The following GDA variants were observed in gnomAD, a reference collection of about 807,000 sequenced individuals.
GDA encodes the protein guanine deaminase.
In GDA, 18 loss-of-function variants were observed where a neutral mutation model predicts 59.6. That is an observed-to-expected ratio of 0.30 (90% confidence interval 0.21 to 0.45). The LOEUF is 0.45. Among genes scored for constraint, GDA ranks in the 20% least tolerant of loss-of-function variants. GDA has a pLI of 1.00. For missense variants in GDA, 427 were observed against 552.3 expected (o/e 0.77, Z 2.27); for synonymous variants, 201 against 201.1 (o/e 1.00, Z 0.00).
intron 2 of GDA, among the ~76,000 whole-genome samples, chr9:72,198,357 G>GTGAAACCCCC (rs1310672556): frequency 6.6e-6 from 1 of 151,778 alleles, no homozygotes; most frequent in East Asian, 1.9e-4. Context: ...GGCTAACACG[G>GTGAAACCCCC]TGAAACCCCA....
chr9:72,177,323 C>T (rs1236348217), intron 1 of GDA, among the ~76,000 whole-genome samples: 1 of 151,990 alleles, frequency 6.6e-6, no homozygotes, highest in Non-Finnish European at 1.5e-5. Flanking sequence ...GTCTCAAACT[C>T]CTGACCTTGT....
intron 8 of GDA, among the ~76,000 whole-genome samples, chr9:72,226,849 G>C (rs1837655975): frequency 6.6e-6 from 1 of 152,102 alleles, no homozygotes; most frequent in Non-Finnish European, 1.5e-5. Flanking sequence ...CGGGCCTGGT[G>C]GCTCATGTCT....
chr9:72,151,739 C>G (rs952684744), intron 1 of GDA, among the ~76,000 whole-genome samples: 2 of 151,820 alleles, frequency 1.3e-5, no homozygotes, highest in African/African-American at 4.8e-5. Flanking sequence ...TCCCGAGTAG[C>G]TGGGACTACA....
chr9:72,117,682 A>G (rs2132514216), intron 1 of GDA, among the ~76,000 whole-genome samples: 1 of 152,298 alleles, frequency 6.6e-6, no homozygotes, highest in South Asian at 2.1e-4. Flanking sequence ...CCCTCATCTC[A>G]CTGGTTAAAA....
At chr9:72,209,872 G>T (rs922269261) in intron 3 of GDA, among the ~76,000 whole-genome samples, 1 of 152,090 alleles carries the variant, frequency 6.6e-6, no homozygotes, top group Non-Finnish European at 1.5e-5. Context: ...AGTAGTACAC[G>T]TGGTATTCTG....
intron 7 of GDA, among the ~76,000 whole-genome samples, 195 bp from the exon 8 acceptor site, chr9:72,225,478 GTTTC>G (rs913394976): frequency 2.0e-5 from 3 of 151,904 alleles, no homozygotes; most frequent in South Asian, 2.1e-4. Context: ...ATAATATTCA[GTTTC>G]TTTGTCATAT....
intron 1 of GDA, among the ~76,000 whole-genome samples, chr9:72,127,147 C>T (rs1179771265): frequency 6.6e-6 from 1 of 151,800 alleles, no homozygotes; most frequent in African/African-American, 2.4e-5. Context: ...GTTCACACAG[C>T]ATGACACTTG....
At chr9:72,239,495 G>T (rs886664253) in intron 10 of GDA, among the ~76,000 whole-genome samples, 1 of 151,960 alleles carries the variant, frequency 6.6e-6, no homozygotes, top group African/African-American at 2.4e-5. Context: ...CATCCCAACT[G>T]CATTGCTTTC....
chr9:72,205,520 A>C (rs1465741824), intron 3 of GDA, among the ~76,000 whole-genome samples: 1 of 152,206 alleles, frequency 6.6e-6, no homozygotes, highest in African/African-American at 2.4e-5. Context: ...AGAACCAGGA[A>C]AGGTTCAGAG....
At chr9:72,215,394 T>C (rs192716915) in intron 5 of GDA, among the ~76,000 whole-genome samples, 233 of 152,290 alleles carry the variant, frequency 1.5e-3, no homozygotes, top group Admixed American at 4.0e-3. Flanking sequence ...TTTATTGTTT[T>C]CTCAAGGTGG....
chr9:72,195,583 C>A lies in GDA; in HGVS notation c.207C>A (p.Ser69Arg). ...CFKPCEIREL[S>R]HHEFFMPGLV... ...AGCCGTGTGAAATAAGAGAACTGAG[C>A]CACCAGTAAGTTGTTACTTCTTCCC... Residue 69 changes from serine (S) to arginine (R), a missense_variant, in exon 2 of 14, where the codon AGC becomes AGA. Transcript: ENST00000358399. 1.3e-6 allele frequency: 2 copies of A among 1,525,186 alleles called. No homozygotes were observed. Among genetic ancestry groups the A allele is most frequent in the Non-Finnish European group, 1.8e-6 (2 of 1,113,016 alleles). The allele number at this position is 1,525,186 out of a possible 1,614,324, so 94.5% of individuals were successfully genotyped here.
rs758536853 is a variant in GDA at position 72,245,194 on chromosome 9, A to G, written c.1182A>G (p.Glu394=). ...TTGGAAACTTTGAAGTGGGCAAGGA[A>G]TTTGATGCCATCCTGATCAACCCCA... ...GEIGNFEVGK[E]FDAILINPKA... The change falls in exon 12 of 14, where the codon GAA becomes GAG. Residue 394 remains glutamate, a synonymous_variant. Coordinates refer to ENST00000358399, the MANE Select transcript of GDA (RefSeq NM_004293.5). 6.2e-7 allele frequency: 1 copy of G among 1,613,066 alleles called. No individual in the cohort carries two copies. Among genetic ancestry groups the G allele is most frequent in the African/African-American group, 1.3e-5 (1 of 75,016 alleles).
At chr9:72,129,879 A>C (rs1423587000) in intron 1 of GDA, among the ~76,000 whole-genome samples, 1 of 152,230 alleles carries the variant, frequency 6.6e-6, no homozygotes, top group Non-Finnish European at 1.5e-5. Context: ...TTAAAGTCCC[A>C]GGTTAGGTCA....
At chr9:72,155,531 G>A (rs949637301) in intron 1 of GDA, among the ~76,000 whole-genome samples, 1 of 152,186 alleles carries the variant, frequency 6.6e-6, no homozygotes, top group African/African-American at 2.4e-5. Context: ...GGGGTAGGAA[G>A]GAATGAAACA....
intron 10 of GDA, among the ~76,000 whole-genome samples, chr9:72,240,726 G>C (rs910143819): frequency 1.3e-5 from 2 of 152,132 alleles, no homozygotes; most frequent in Non-Finnish European, 2.9e-5. Context: ...TGGAGGCAGA[G>C]ATTGGAGTGA....
chr9:72,210,880 A>G (rs1006740559), intron 4 of GDA, 106 bp downstream of exon 4: 5 of 713,318 alleles, frequency 7.0e-6, no homozygotes, highest in Non-Finnish European at 1.3e-5. Flanking sequence ...TTTAATTGCT[A>G]GAACATGAGC....
At chr9:72,123,185 CTTTTT>C (rs530381322) in intron 1 of GDA, among the ~76,000 whole-genome samples, 1 of 126,166 alleles carries the variant, frequency 7.9e-6, no homozygotes. Context: ...TTTTTCTTCC[CTTTTT>C]TTTTTTTTTT....
chr9:72,189,855 A>T (rs1255277820), intron 1 of GDA, among the ~76,000 whole-genome samples: 1 of 152,172 alleles, frequency 6.6e-6, no homozygotes, highest in African/African-American at 2.4e-5. Flanking sequence ...ACAAAACAAA[A>T]AAAAGAAATG....
chr9:72,204,279 C>A (rs1360068324), intron 3 of GDA, among the ~76,000 whole-genome samples: 1 of 152,100 alleles, frequency 6.6e-6, no homozygotes, highest in Admixed American at 6.5e-5. Flanking sequence ...GTGTTAACCA[C>A]ACCAAATCTT....
Sources: allele counts gnomAD v4.1 joint callset (sites outside exome capture counted in the v4.1 genomes callset), GRCh38; gene constraint gnomAD v4.1.1; transcripts MANE v1.5; gene names NCBI Gene and HGNC (gene_info 2026-07-23, HGNC 2026-07-21).